Variants in GPRC6A observed in about 807,000 individuals in gnomAD.
The protein encoded by GPRC6A is G protein-coupled receptor class C group 6 member A.
Under a neutral mutation model 47.0 loss-of-function variants are expected in GPRC6A, and 54 were observed. The ratio of observed to expected loss-of-function variants is 1.15; its 90% CI spans 0.92 to 1.44. GPRC6A has a LOEUF of 1.44. Among genes scored for constraint, GPRC6A ranks in the 40% most tolerant of loss-of-function variants. The pLI, the probability that GPRC6A is intolerant of heterozygous loss-of-function variation, is 0.00. For synonymous variants in GPRC6A, 347 were observed against 377.1 expected, an observed-to-expected ratio of 0.92 and a Z score of 0.93; for missense variants, 1,112 against 1,105.5, an observed-to-expected ratio of 1.01 and a Z score of -0.08.
At chr6:116,816,808 C>T (rs565726536) in intron 1 of GPRC6A, among the ~76,000 whole-genome samples, 44 of 152,316 alleles carry the variant, frequency 2.9e-4, no homozygotes, top group African/African-American at 1.0e-3. Flanking sequence ...CACTCCCACC[C>T]GAATACTGCG....
intron 4 of GPRC6A, among the ~76,000 whole-genome samples, chr6:116,796,421 A>G (rs1296573562): frequency 6.6e-6 from 1 of 152,210 alleles, no homozygotes; most frequent in East Asian, 1.9e-4. Flanking sequence ...TATAATTTGC[A>G]TGTCACAATT....
rs778404819 is a variant in GPRC6A at position 116,792,578 on chromosome 6, T to C, written c.2345A>G (p.Lys782Arg). The change falls in exon 6 of 6, where the codon AAA becomes AGA. Residue 782 changes from lysine (K) to arginine (R), a missense_variant. Coordinates refer to ENST00000310357, the MANE Select transcript of GPRC6A (RefSeq NM_148963.4). ...AATGAGCATGCCAAATGTAATGAAT[T>C]TGGCTTCATTGTAATTCTCATATTT... ...KGKYENYNEA[K>R]FITFGMLIYF... 53 of 1,609,340 alleles carry C rather than the reference T, an allele frequency of 3.3e-5. 3 individuals carry two copies. In the South Asian group the frequency reaches 4.5e-4, roughly 14 times the overall value.
In GPRC6A at chr6:116,828,841, G is replaced by GGT. The variant is rs757852685; in HGVS notation, c.171_172dup (p.Pro58HisfsTer21). ...TCACCCAACACACTCCTGGATTTGT[G>GGT]GTCGTCTGGGAGAGTCTTCTGAGGA... On this transcript the variant is annotated frameshift_variant, in exon 1 of 6. Transcript: ENST00000310357. LOFTEE classifies it high-confidence loss of function. The GGT allele has an allele frequency of 2.5e-6, 4 of 1,612,048 alleles. No individual in the cohort carries two copies. Among genetic ancestry groups the GGT allele is most frequent in the Non-Finnish European group, 3.4e-6 (4 of 1,178,884 alleles).
intron 5 of GPRC6A, 21 bp downstream of exon 5, chr6:116,795,691 A>T: frequency 6.3e-7 from 1 of 1,590,824 alleles, no homozygotes; most frequent in Non-Finnish European, 8.6e-7. Context: ...ATTCAGGTGT[A>T]TGTGGAGTGA....
chr6:116,821,773 G>A (rs528806338), intron 1 of GPRC6A, among the ~76,000 whole-genome samples: 7 of 151,628 alleles, frequency 4.6e-5, no homozygotes, highest in Middle Eastern at 3.4e-3. Context: ...GAAAACCTAG[G>A]CATTACCATT....
chr6:116,817,519 A>G (rs563182006), intron 1 of GPRC6A, among the ~76,000 whole-genome samples: 1 of 152,260 alleles, frequency 6.6e-6, no homozygotes, highest in Non-Finnish European at 1.5e-5. Context: ...CACCAGCAAC[A>G]GAACAAAGCT....
rs777613092 is a variant in GPRC6A, at chr6:116,792,381, C to A, written c.2542G>T (p.Ala848Ser). 3.1e-6 allele frequency: 5 copies of A among 1,613,990 alleles called. No homozygotes were observed. In the Admixed American group the frequency reaches 6.7e-5, roughly 22 times the overall value. ...ICKQEINTKS[A>S]FLKMIYSYSS... ...TAACTGTAGATCATCTTGAGAAAGG[C>A]AGACTTTGTGTTAATCTCTTGCTTA... Residue 848 changes from alanine to serine, a missense_variant, in exon 6 of 6, where the codon GCC (alanine) becomes TCC (serine). Physicochemically the swap from Ala to Ser is moderately conservative, Grantham distance 99 (BLOSUM62 1). Coordinates refer to ENST00000310357, the MANE Select transcript of GPRC6A (RefSeq NM_148963.4).
Position 116,828,813 on chromosome 6 carries a change from T to C in GPRC6A, c.194+7A>G. 1 of 1,604,754 alleles carries C rather than the reference T, an allele frequency of 6.2e-7. No homozygotes were observed. The highest frequency in any genetic ancestry group is 8.5e-7 in the Non-Finnish European group (1 of 1,173,978). On this transcript the variant is annotated splice_region_variant and intron_variant, in intron 1 of 5. Coordinates refer to ENST00000310357, the MANE Select transcript of GPRC6A (RefSeq NM_148963.4). ...AAATCTAAACGTGTTTTTTGAGACT[T>C]ACTCACCCAACACACTCCTGGATTT...
chr6:116,823,599 C>T (rs1436844922), intron 1 of GPRC6A, among the ~76,000 whole-genome samples: 2 of 152,122 alleles, frequency 1.3e-5, no homozygotes, highest in East Asian at 3.9e-4. Flanking sequence ...GCTGCTTCCA[C>T]ATTTTCAGAT....
chr6:116,797,929 T>C (rs926396057), intron 4 of GPRC6A, among the ~76,000 whole-genome samples: 2 of 152,212 alleles, frequency 1.3e-5, no homozygotes, highest in African/African-American at 2.4e-5. Flanking sequence ...CTTGCTTTAC[T>C]AAAACTTTTA....
At chr6:116,803,552 A>C in intron 3 of GPRC6A, among the ~76,000 whole-genome samples, 1 of 152,116 alleles carries the variant, frequency 6.6e-6, no homozygotes, top group East Asian at 1.9e-4. Flanking sequence ...CATGATAATA[A>C]GATTCCCAGG....
At chr6:116,817,478 A>G (rs373428757) in intron 1 of GPRC6A, among the ~76,000 whole-genome samples, 18 of 152,226 alleles carry the variant, frequency 1.2e-4, no homozygotes, top group East Asian at 3.9e-4. Context: ...AAAGCAGAGC[A>G]CCTCTCCTCC....
chr6:116,814,693 G>A (rs573335698), intron 1 of GPRC6A, among the ~76,000 whole-genome samples: 5 of 152,092 alleles, frequency 3.3e-5, no homozygotes, highest in African/African-American at 1.2e-4. Context: ...CATGGCTCAT[G>A]TATACCTAAG....
chr6:116,811,740 A>C (rs184206940), intron 1 of GPRC6A, among the ~76,000 whole-genome samples: 133 of 152,242 alleles, frequency 8.7e-4, no homozygotes, highest in African/African-American at 3.0e-3. Flanking sequence ...AAGCTTCAAC[A>C]ATAGATTAGT....
At chr6:116,800,252 CTCTT>C (rs1188274498) in intron 4 of GPRC6A, among the ~76,000 whole-genome samples, 1 of 101,918 alleles carries the variant, frequency 9.8e-6, no homozygotes, top group East Asian at 2.9e-4. Context: ...CTTTCTCTCT[CTCTT>C]CCTTCCTTCC....
At chr6:116,794,237 G>T (rs992596885) in intron 5 of GPRC6A, among the ~76,000 whole-genome samples, 1 of 152,138 alleles carries the variant, frequency 6.6e-6, no homozygotes, top group African/African-American at 2.4e-5. Context: ...AAGTAAGGTT[G>T]TATTTCTGTT....
intron 4 of GPRC6A, 39 bp downstream of exon 4, chr6:116,800,545 T>C: frequency 7.5e-7 from 1 of 1,334,622 alleles, no homozygotes; most frequent in Non-Finnish European, 1.1e-6. Context: ...GAGGTACCAA[T>C]TGCTTTGAGT....
intron 1 of GPRC6A, among the ~76,000 whole-genome samples, chr6:116,811,361 A>G (rs1288754744): frequency 1.3e-5 from 2 of 152,168 alleles, no homozygotes; most frequent in Non-Finnish European, 2.9e-5. Context: ...TCAGATGTAT[A>G]TATATTAACA....
At chr6:116,799,292 A>G (rs1038312634) in intron 4 of GPRC6A, among the ~76,000 whole-genome samples, 2 of 152,170 alleles carry the variant, frequency 1.3e-5, no homozygotes, top group African/African-American at 4.8e-5. Flanking sequence ...ATATCATTTA[A>G]AGCCCCAAAC....
Sources: gnomAD v4.1 joint callset for allele counts (sites outside exome capture counted in the v4.1 genomes callset) on GRCh38, gnomAD v4.1.1 for gene constraint, MANE v1.5 for transcripts, NCBI Gene and HGNC (gene_info 2026-07-23, HGNC 2026-07-21) for gene names.